PRKCE: variants seen among roughly 807,000 people sequenced by gnomAD.
PRKCE encodes the protein protein kinase C epsilon, also known as protein kinase C epsilon type.
In PRKCE, 16 loss-of-function variants were observed where a neutral mutation model predicts 85.4. That is an observed-to-expected ratio of 0.19 (90% confidence interval 0.13 to 0.28). The LOEUF (loss-of-function observed/expected upper bound fraction) is 0.28, where lower values mean the gene tolerates loss of function less well. Ranked by LOEUF, PRKCE falls within the 10% of genes least tolerant of loss-of-function variation. PRKCE has a pLI of 1.00. For synonymous variants in PRKCE, 388 were observed against 371.5 expected (o/e 1.04, Z -0.51); for missense variants, 573 against 975.2 (o/e 0.59, Z 5.49).
intron 1 of PRKCE, among the ~76,000 whole-genome samples, chr2:45,801,188 C>A (rs559721515): frequency 6.6e-6 from 1 of 152,196 alleles, no homozygotes; most frequent in Admixed American, 6.5e-5. Flanking sequence ...GGACTGATGG[C>A]CGCGCTCAGG....
In PRKCE at chr2:45,981,839, C is replaced by CA. The variant is rs61764799; in HGVS notation, c.693+1459dup. ...GTCCCTCCCTCAAGGATCTCAGTCT[C>CA]ATCACCTGCAGGTCTCTGCCTCTGC... On this transcript the variant is annotated intron_variant, in intron 5 of 14. Transcript: ENST00000306156. Among the ~76,000 whole-genome samples the CA allele has an allele frequency of 9.0e-3, 1,365 of 152,326 alleles. 21 individuals are homozygous for CA. Among genetic ancestry groups the CA allele is most frequent in the African/African-American group, 0.03 (1,261 of 41,562 alleles).
intron 2 of PRKCE, among the ~76,000 whole-genome samples, chr2:45,932,400 G>A (rs1053803249): frequency 6.6e-6 from 1 of 152,174 alleles, no homozygotes; most frequent in Non-Finnish European, 1.5e-5. Context: ...GTGAACAAAT[G>A]TACACGCTGG....
intron 2 of PRKCE, among the ~76,000 whole-genome samples, chr2:45,859,277 A>T (rs567355109): frequency 2.0e-5 from 3 of 152,060 alleles, no homozygotes; most frequent in African/African-American, 7.2e-5. Flanking sequence ...TCTATTAAGG[A>T]CAATAGTATA....
chr2:45,766,782 G>C (rs1242838747), intron 1 of PRKCE, among the ~76,000 whole-genome samples: 1 of 152,244 alleles, frequency 6.6e-6, no homozygotes, highest in Admixed American at 6.5e-5. Context: ...GCTCATGCCT[G>C]TAATCCTAGC....
intron 2 of PRKCE, among the ~76,000 whole-genome samples, chr2:45,863,120 G>A (rs901449938): frequency 1.2e-4 from 18 of 152,106 alleles, no homozygotes; most frequent in African/African-American, 4.1e-4. Flanking sequence ...GTGTGTGCTT[G>A]CGGTTCCTGG....
chr2:45,759,631 A>C (rs1284926467), intron 1 of PRKCE, among the ~76,000 whole-genome samples: 1 of 152,226 alleles, frequency 6.6e-6, no homozygotes, highest in Non-Finnish European at 1.5e-5. Flanking sequence ...CTGAAATGTC[A>C]GTTATTACAC....
chr2:46,184,596 A>T lies in PRKCE; in HGVS notation c.2068-139A>T. On this transcript the variant is annotated intron_variant, in intron 14 of 14. Coordinates refer to ENST00000306156, the MANE Select transcript of PRKCE (RefSeq NM_005400.3). The surrounding 1 kb of genome is among the most constrained non-coding windows in gnomAD (Gnocchi z 5.0). ...GGCCATCCATCGTTACCTCATCGGGACAGCCCCGTGTCTGCTGTCTGTTGG... is the reference window on the plus strand; with the variant it reads ...GGCCATCCATCGTTACCTCATCGGGTCAGCCCCGTGTCTGCTGTCTGTTGG... 1.8e-6 allele frequency: 2 copies of T among 1,096,414 alleles called. No homozygotes were observed. Among genetic ancestry groups the T allele is most frequent in the Non-Finnish European group, 1.3e-6 (1 of 763,486 alleles). 67.9% of individuals were successfully genotyped at this position (1,096,414 alleles called of 1,614,324 possible).
intron 1 of PRKCE, among the ~76,000 whole-genome samples, chr2:45,720,263 G>C (rs1385248954): frequency 1.3e-5 from 2 of 152,160 alleles, no homozygotes; most frequent in Non-Finnish European, 2.9e-5. Flanking sequence ...AAGTGGAGGA[G>C]TTGAGATAAA....
At chr2:45,717,404 T>C (rs1330137577) in intron 1 of PRKCE, among the ~76,000 whole-genome samples, 2 of 152,270 alleles carry the variant, frequency 1.3e-5, no homozygotes, top group Non-Finnish European at 2.9e-5. Context: ...CCTATCTTTT[T>C]CCATCTATTT....
chr2:45,921,445 C>T (rs149844956), intron 2 of PRKCE, among the ~76,000 whole-genome samples: 1 of 152,374 alleles, frequency 6.6e-6, no homozygotes, highest in Non-Finnish European at 1.5e-5. Flanking sequence ...GTGCCAGCTA[C>T]TCTTTCTTAA....
chr2:45,876,993 A>G (rs977784444), intron 2 of PRKCE, among the ~76,000 whole-genome samples: 3 of 152,234 alleles, frequency 2.0e-5, no homozygotes, highest in African/African-American at 7.2e-5. Flanking sequence ...GGAAATTACC[A>G]TTTAAGTATT....
intron 1 of PRKCE, among the ~76,000 whole-genome samples, chr2:45,677,331 G>GGGT (rs386645620): frequency 9.2e-6 from 1 of 108,576 alleles, no homozygotes; most frequent in African/African-American, 3.7e-5. Flanking sequence ...TTTTTTTTTT[G>GGGT]TTTTTTTTTT....
At chr2:45,986,627 G>T (rs919627966) in intron 6 of PRKCE, among the ~76,000 whole-genome samples, 1 of 152,214 alleles carries the variant, frequency 6.6e-6, no homozygotes, top group African/African-American at 2.4e-5. Context: ...GAAAGAGGAA[G>T]TCTTTTTTGA....
At chr2:45,965,496 G>T (rs1335149262) in intron 2 of PRKCE, among the ~76,000 whole-genome samples, 1 of 152,196 alleles carries the variant, frequency 6.6e-6, no homozygotes, top group Non-Finnish European at 1.5e-5. Flanking sequence ...GAGATTGAGA[G>T]GTAAAGTTTG....
rs917223839 is a variant in PRKCE at position 46,132,140 on chromosome 2, C to G, written c.1593-12953C>G. ...GAGCCCTTCACTGACTGACCACGCT[C>G]TTTGTTTGAGATTCTCTTTTTGGGT... is the stretch of plus-strand genomic sequence containing the variant. On this transcript the variant is annotated intron_variant, in intron 11 of 14. Transcript: ENST00000306156. Among the ~76,000 whole-genome samples, 16 of 152,226 alleles carry G rather than the reference C, an allele frequency of 1.1e-4. No homozygotes were observed. The South Asian group carries it at 3.3e-3, about 32-fold the overall frequency.
intron 2 of PRKCE, among the ~76,000 whole-genome samples, chr2:45,860,856 C>T (rs553753566): frequency 1.3e-5 from 2 of 152,160 alleles, no homozygotes; most frequent in Non-Finnish European, 2.9e-5. Context: ...TGGAAAGCCT[C>T]GGCCCCTCCC....
At chr2:45,684,198 T>C (rs1677113315) in intron 1 of PRKCE, among the ~76,000 whole-genome samples, 1 of 152,218 alleles carries the variant, frequency 6.6e-6, no homozygotes, top group Non-Finnish European at 1.5e-5. Flanking sequence ...AAGTTGGCCA[T>C]TTAGAACCCA....
At chr2:45,760,265 A>G (rs748324181) in intron 1 of PRKCE, among the ~76,000 whole-genome samples, 3 of 152,200 alleles carry the variant, frequency 2.0e-5, no homozygotes, top group Non-Finnish European at 4.4e-5. Context: ...CAAATAGAAA[A>G]TCAAGGCCAC....
intron 11 of PRKCE, among the ~76,000 whole-genome samples, chr2:46,099,067 T>A (rs1235761013): frequency 6.6e-6 from 1 of 152,190 alleles, no homozygotes; most frequent in East Asian, 1.9e-4. Flanking sequence ...TTCTCTCTCC[T>A]TGCTTCTGGG....
Sources: gnomAD v4.1 joint callset for allele counts (sites outside exome capture counted in the v4.1 genomes callset) on GRCh38, gnomAD v4.1.1 for gene constraint, Gnocchi (gnomAD v3.1) non-coding constraint, MANE v1.5 for transcripts, NCBI Gene and HGNC (gene_info 2026-07-23, HGNC 2026-07-21) for gene names.